Variants in TRPV1 observed in about 807,000 individuals in gnomAD.
The protein encoded by TRPV1 is transient receptor potential cation channel subfamily V member 1.
Under a neutral mutation model 82.3 loss-of-function variants are expected in TRPV1, and 82 were observed. That is an observed-to-expected ratio of 1.00 (90% CI 0.83 to 1.20). The LOEUF is 1.20. TRPV1 is among the 50% of genes most tolerant of loss of function. TRPV1 has a pLI of 0.00. For synonymous variants in TRPV1, 515 were observed against 467.7 expected (o/e 1.10, Z -1.30); for missense variants, 1,067 against 1,096.8 (o/e 0.97, Z 0.38).
chr17:3,572,557 T>C (rs2074869051), intron 14 of TRPV1, among the ~76,000 whole-genome samples: 1 of 152,022 alleles, frequency 6.6e-6, no homozygotes, highest in Non-Finnish European at 1.5e-5. Context: ...AGGGGCAACA[T>C]AGGGTAGGGC....
intron 13 of TRPV1, among the ~76,000 whole-genome samples, chr17:3,576,677 A>ATATATATATGTG (rs138645840): frequency 1.0e-5 from 1 of 95,262 alleles, no homozygotes; most frequent in Non-Finnish European, 2.1e-5. Flanking sequence ...AAATATATAT[A>ATATATATATGTG]TATATATATA....
intron 13 of TRPV1, among the ~76,000 whole-genome samples, chr17:3,574,953 GAA>G (rs944727770): frequency 2.1e-5 from 3 of 146,286 alleles, no homozygotes; most frequent in African/African-American, 7.5e-5. Context: ...GTGGACATGT[GAA>G]AAGAGCACAG....
At chr17:3,597,612 CTTCTCAACTGGGGG>C (rs1341316633) in intron 2 of TRPV1, among the ~76,000 whole-genome samples, 1 of 150,860 alleles carries the variant, frequency 6.6e-6, no homozygotes, top group East Asian at 1.9e-4. Flanking sequence ...CCCAGCCTTT[CTTCTCAACTGGGGG>C]TTCCTCAGGG....
At position 3,588,161 on chromosome 17, in the gene TRPV1, C is replaced by A. The variant is rs201568894; in HGVS notation, c.1224+27G>T. The A allele has an allele frequency of 7.1e-6, 11 of 1,544,714 alleles. No homozygotes were observed. The South Asian group carries it at 1.3e-4, about 18-fold the overall frequency. On this transcript the variant is annotated intron_variant, in intron 8 of 16. Coordinates refer to ENST00000572705, the MANE Select transcript of TRPV1 (RefSeq NM_080704.4). ...GCTTGGGTGCAGAGGCCCTGAGGCC[C>A]TCCCTGGCTGTGCCCCAGCCACTCA... is the stretch of plus-strand genomic sequence containing the variant.
intron 2 of TRPV1, among the ~76,000 whole-genome samples, chr17:3,600,767 G>C (rs1240468370): frequency 2.0e-5 from 3 of 152,094 alleles, no homozygotes; most frequent in African/African-American, 7.2e-5. Context: ...CCCTCCTCCT[G>C]CCCTGGCCAC....
intron 6 of TRPV1, 23 bp from the exon 7 acceptor site, chr17:3,590,128 T>C (rs1373878318): frequency 1.3e-6 from 2 of 1,593,562 alleles, no homozygotes; most frequent in East Asian, 2.2e-5. Flanking sequence ...AGGGCCCAGG[T>C]GGGCCTCAGG....
chr17:3,588,830 A>AAC lies in TRPV1; in HGVS notation c.1045-464_1045-463insGT. ...ACCTCATCTAAAAAAAAAAAAAAAA[A>AAC]CAAAACACACAAACGTCAACCAGCC... On this transcript the variant is annotated intron_variant, in intron 7 of 16. Transcript: ENST00000572705. The AAC allele has an allele frequency of 3.0e-6, 4 of 1,332,044 alleles. No homozygotes were observed. The African/African-American group carries it at 6.2e-5, about 21-fold the overall frequency. The allele number at this position is 1,332,044 out of a possible 1,614,324, so 82.5% of individuals were successfully genotyped here. A position where few individuals can be genotyped will look rare whatever the true frequency, so the allele number is the denominator to read the frequency against.
rs966984479 is a variant in TRPV1 at position 3,592,132 on chromosome 17, G to A, written c.219C>T (p.Cys73=). The A allele has an allele frequency of 6.2e-7, 1 of 1,613,806 alleles. No individual in the cohort carries two copies. Among genetic ancestry groups the A allele is most frequent in the Non-Finnish European group, 8.5e-7 (1 of 1,179,876 alleles). ...CPHEEGELDS[C]PTITVSPVIT... ...TAACAGGGCTGACTGTGATGGTCGG[G>A]CAGGAGTCCAGCTCACCTTCCTCGT... Residue 73 remains cysteine (C), a synonymous_variant, in exon 3 of 17, where the codon TGC becomes TGT. Coordinates refer to ENST00000572705, the MANE Select transcript of TRPV1 (RefSeq NM_080704.4).
intron 2 of TRPV1, among the ~76,000 whole-genome samples, chr17:3,594,053 A>G (rs11869034): frequency 0.16 from 23,272 of 145,208 alleles, 5,980 homozygotes; most frequent in African/African-American, 0.55. Context: ...GCTTGAACCC[A>G]GGATGTAGAG....
intron 16 of TRPV1, among the ~76,000 whole-genome samples, chr17:3,570,015 G>GGAGGGGCCAAGCGGTCAGGA: frequency 7.4e-6 from 1 of 135,752 alleles, no homozygotes; most frequent in African/African-American, 3.0e-5. Flanking sequence ...AGCGGTCAGG[G>GGAGGGGCCAAGCGGTCAGGA]AGGAGGGGCC....
At chr17:3,597,896 ACTC>A (rs2075233451) in intron 2 of TRPV1, among the ~76,000 whole-genome samples, 1 of 150,314 alleles carries the variant, frequency 6.7e-6, no homozygotes, top group African/African-American at 2.5e-5. Context: ...CCGGTCTTGA[ACTC>A]CTGACCTCGT....
rs759431531 is a variant in TRPV1 at position 3,590,406 on chromosome 17, G to A, written c.605-14C>T. 2.7e-5 allele frequency: 44 copies of A among 1,611,056 alleles called. No individual in the cohort carries two copies. Among genetic ancestry groups the A allele is most frequent in the East Asian group, 8.9e-5 (4 of 44,842 alleles). ...GTGCTGTCTGGCCTACAGAGGACGCGCACGGTTGGCTTCGTGGTCACGGTC... is the reference window on the plus strand; with the variant it reads ...GTGCTGTCTGGCCTACAGAGGACGCACACGGTTGGCTTCGTGGTCACGGTC... On this transcript the variant is annotated splice_polypyrimidine_tract_variant and intron_variant, in intron 5 of 16. Coordinates refer to ENST00000572705, the MANE Select transcript of TRPV1 (RefSeq NM_080704.4).
chr17:3,603,460 C>T (rs140983057), intron 2 of TRPV1, among the ~76,000 whole-genome samples: 479 of 152,292 alleles, frequency 3.1e-3, no homozygotes, highest in Middle Eastern at 0.024. Flanking sequence ...TGCTAGATGC[C>T]GGCTGTATGG....
intron 9 of TRPV1, 98 bp downstream of exon 9, chr17:3,585,670 A>AGAGCCT: frequency 7.0e-7 from 1 of 1,437,686 alleles, no homozygotes; most frequent in Non-Finnish European, 9.4e-7. Flanking sequence ...AGTCCAGGGC[A>AGAGCCT]GAGCCTGGGC....
In TRPV1 at chr17:3,573,617, A is replaced by C; in HGVS notation, c.2103+16T>G. On this transcript the variant is annotated intron_variant, in intron 14 of 16. Transcript: ENST00000572705. Reference sequence around the variant, plus strand: ...CTCTCCGCGCCACTCACCACCCCCCAACTCCACCCACCCACCTGCAGCTTC... The same window carrying C: ...CTCTCCGCGCCACTCACCACCCCCCCACTCCACCCACCCACCTGCAGCTTC... 7.6e-7 allele frequency: 1 copy of C among 1,321,018 alleles called. No homozygotes were observed. Among genetic ancestry groups the C allele is most frequent in the Non-Finnish European group, 9.9e-7 (1 of 1,007,888 alleles). The allele number at this position is 1,321,018 out of a possible 1,614,324, so 81.8% of individuals were successfully genotyped here.
intron 12 of TRPV1, 144 bp downstream of exon 12, chr17:3,577,454 C>G: frequency 8.6e-7 from 1 of 1,165,754 alleles, no homozygotes; most frequent in Non-Finnish European, 1.2e-6. Flanking sequence ...GGCCAGATTG[C>G]TTGATTCTTG....
At chr17:3,574,920 A>ACATGGTG in intron 13 of TRPV1, among the ~76,000 whole-genome samples, 1 of 146,424 alleles carries the variant, frequency 6.8e-6, no homozygotes, top group South Asian at 2.1e-4. Flanking sequence ...TCTATCTCAA[A>ACATGGTG]AAAAAAAAAA....
chr17:3,603,779 GC>G (rs1181439770), intron 2 of TRPV1, among the ~76,000 whole-genome samples: 1 of 152,212 alleles, frequency 6.6e-6, no homozygotes, highest in East Asian at 1.9e-4. Context: ...ACGCAAGTGA[GC>G]ATCTCTGTAT....
intron 7 of TRPV1, chr17:3,588,826 A>AAAAAAAC: frequency 1.6e-6 from 2 of 1,276,002 alleles, no homozygotes; most frequent in Non-Finnish European, 2.1e-6. Context: ...AAAAAAAAAA[A>AAAAAAAC]AAAACAAAAC....
Sources: allele counts gnomAD v4.1 joint callset (sites outside exome capture counted in the v4.1 genomes callset), GRCh38; gene constraint gnomAD v4.1.1; transcripts MANE v1.5; gene names NCBI Gene and HGNC (gene_info 2026-07-23, HGNC 2026-07-21).